DIAPH2: variants seen among roughly 807,000 people sequenced by gnomAD.
DIAPH2 encodes diaphanous related formin 2, also known as protein diaphanous homolog 2.
DIAPH2 carries 35 observed loss-of-function variants against 92.7 expected under a neutral mutation model. The observed-to-expected ratio is 0.38, with a 90% CI of 0.29 to 0.50. The LOEUF (loss-of-function observed/expected upper bound fraction) is 0.50. Among genes scored for constraint, DIAPH2 ranks in the 20% least tolerant of loss-of-function variants. The pLI, the probability that DIAPH2 is intolerant of heterozygous loss-of-function variation, is 0.94. For missense variants in DIAPH2, 701 were observed against 819.5 expected (o/e 0.86, Z 1.77); for synonymous variants, 301 against 280.4 (o/e 1.07, Z -0.73).
At chrX:97,544,594 A>G (rs955246232) in intron 26 of DIAPH2, among the ~76,000 whole-genome samples, 24 of 111,806 alleles carry the variant, frequency 2.1e-4, no homozygotes, top group African/African-American at 7.5e-4. Flanking sequence ...AAAAGCCTAT[A>G]CAGAAGTAAC....
intron 26 of DIAPH2, among the ~76,000 whole-genome samples, chrX:97,520,588 C>G (rs2070983986): frequency 8.9e-6 from 1 of 112,018 alleles, no homozygotes. Flanking sequence ...CCTAATCTAT[C>G]CTTCATCTAC....
At chrX:97,591,885 T>TA (rs1279191411) in intron 26 of DIAPH2, among the ~76,000 whole-genome samples, 1 of 112,146 alleles carries the variant, frequency 8.9e-6, no homozygotes, top group African/African-American at 3.2e-5. Context: ...CAAGGACATT[T>TA]AAAAAAATCT....
chrX:97,272,574 A>T (rs1441414286), intron 23 of DIAPH2, among the ~76,000 whole-genome samples: 1 of 111,808 alleles, frequency 8.9e-6, no homozygotes, highest in Non-Finnish European at 1.9e-5. Flanking sequence ...TTCATTCATT[A>T]TGTTAGAGAT....
At chrX:96,953,229 T>C (rs972009139) in intron 15 of DIAPH2, among the ~76,000 whole-genome samples, 3 of 111,755 alleles carry the variant, frequency 2.7e-5, no homozygotes, top group African/African-American at 9.8e-5. Flanking sequence ...TTTTACAGAG[T>C]TCGTTCAATA....
At chrX:97,107,138 A>T in intron 20 of DIAPH2, among the ~76,000 whole-genome samples, 1 of 111,723 alleles carries the variant, frequency 9.0e-6, no homozygotes, top group Non-Finnish European at 1.9e-5. Flanking sequence ...CTTTGGGGAA[A>T]TATTCTCTAC....
chrX:97,180,848 T>C (rs1294679746), intron 22 of DIAPH2, among the ~76,000 whole-genome samples: 1 of 111,278 alleles, frequency 9.0e-6, no homozygotes, highest in Non-Finnish European at 1.9e-5. Context: ...GTCTGTGTTC[T>C]GTTCCATTGG....
chrX:96,961,816 A>ACTTG (rs990956326), intron 16 of DIAPH2, among the ~76,000 whole-genome samples: 28 of 109,837 alleles, frequency 2.5e-4, no homozygotes, highest in African/African-American at 8.6e-4. Flanking sequence ...AAGTCTATGT[A>ACTTG]CTTGCATAGT....
At chrX:96,866,070 A>C (rs1001482156) in intron 4 of DIAPH2, among the ~76,000 whole-genome samples, 2 of 111,851 alleles carry the variant, frequency 1.8e-5, no homozygotes, top group Non-Finnish European at 3.8e-5. Context: ...CTCCTGTATC[A>C]TATCGAGGGA....
chrX:96,934,525 C>G (rs2065644062), intron 10 of DIAPH2, among the ~76,000 whole-genome samples: 1 of 111,378 alleles, frequency 9.0e-6, no homozygotes, highest in Admixed American at 9.6e-5. Context: ...GAGATCAACA[C>G]TGTAGTAGAG....
chrX:97,188,544 T>G (rs1232690897), intron 22 of DIAPH2, among the ~76,000 whole-genome samples: 1 of 112,305 alleles, frequency 8.9e-6, no homozygotes, highest in African/African-American at 3.2e-5. Context: ...GATAAACTTA[T>G]TTGTTGAAAA....
chrX:97,422,646 G>A (rs1179156638), intron 25 of DIAPH2, among the ~76,000 whole-genome samples: 3 of 111,681 alleles, frequency 2.7e-5, no homozygotes, highest in African/African-American at 9.8e-5. Flanking sequence ...TTATGCCTCG[G>A]TTAAGATTTT....
intron 3 of DIAPH2, among the ~76,000 whole-genome samples, chrX:96,756,491 A>G (rs1247758457): frequency 8.9e-6 from 1 of 112,034 alleles, no homozygotes; most frequent in Non-Finnish European, 1.9e-5. Flanking sequence ...ATAATATTTC[A>G]TTGTATGATA....
chrX:96,992,988 A>G (rs1360299649), intron 17 of DIAPH2, among the ~76,000 whole-genome samples: 2 of 112,504 alleles, frequency 1.8e-5, no homozygotes, highest in Non-Finnish European at 3.8e-5. Context: ...TAGAGAAAAC[A>G]TGGAATCCAC....
At chrX:97,241,774 T>A (rs1208714656) in intron 22 of DIAPH2, among the ~76,000 whole-genome samples, 1 of 29,421 alleles carries the variant, frequency 3.4e-5, no homozygotes, top group African/African-American at 7.5e-5. Flanking sequence ...TAGGCTGATT[T>A]TTTTTTTTTT....
At chrX:97,554,430 A>G (rs1272901202) in intron 26 of DIAPH2, among the ~76,000 whole-genome samples, 2 of 112,412 alleles carry the variant, frequency 1.8e-5, no homozygotes, top group Non-Finnish European at 3.7e-5. Context: ...CAAAGGCTAC[A>G]TACATTCCAT....
chrX:97,397,720 C>G (rs909461953), intron 25 of DIAPH2, among the ~76,000 whole-genome samples: 1 of 111,737 alleles, frequency 8.9e-6, no homozygotes, highest in African/African-American at 3.3e-5. Context: ...AATAATTTTA[C>G]GCAGTTGAGT....
At position 97,320,108 on chromosome X, in the gene DIAPH2, A is replaced by AAT. The variant is rs1556025448; in HGVS notation, c.2845-27994_2845-27993dup. 7.9e-3 allele frequency among the ~76,000 whole-genome samples: 827 copies of AAT among 104,960 alleles called. 2 individuals carry two copies. Among genetic ancestry groups the AAT allele is most frequent in the African/African-American group, 0.027 (770 of 28,969 alleles). The allele number at this position is 104,960 out of a possible 115,157, so 91.1% of individuals were successfully genotyped here. A position where few individuals can be genotyped will look rare whatever the true frequency, so the allele number is the denominator to read the frequency against. On this transcript the variant is annotated intron_variant, in intron 23 of 26. Transcript: ENST00000324765. ...GAGTGAGACTCTGTCTCAAAAAAAA[A>AAT]ATATATATATATATAATTGATAATA...
intron 26 of DIAPH2, among the ~76,000 whole-genome samples, chrX:97,492,040 C>T (rs1398937950): frequency 8.9e-6 from 1 of 111,958 alleles, no homozygotes; most frequent in African/African-American, 3.2e-5. Flanking sequence ...TAGTTTAAAT[C>T]TTTTTATATT....
chrX:97,082,335 A>G (rs1265826427), intron 19 of DIAPH2, among the ~76,000 whole-genome samples: 3 of 108,326 alleles, frequency 2.8e-5, no homozygotes, highest in Non-Finnish European at 5.7e-5. Flanking sequence ...GTGTAAAACT[A>G]GGGGCCAGGT....
Sources: gnomAD v4.1 joint callset for allele counts (sites outside exome capture counted in the v4.1 genomes callset) on GRCh38, gnomAD v4.1.1 for gene constraint, MANE v1.5 for transcripts, NCBI Gene and HGNC (gene_info 2026-07-23, HGNC 2026-07-21) for gene names.